PRSS12: variants seen among roughly 807,000 people sequenced by gnomAD.
The protein encoded by PRSS12 is serine protease 12.
In PRSS12, 85 loss-of-function variants were observed where a neutral mutation model predicts 104.4. The observed-to-expected ratio is 0.81, with a 90% CI of 0.68 to 0.98. The LOEUF is 0.98. Ranked by LOEUF, PRSS12 falls within the 50% of genes least tolerant of loss-of-function variation. PRSS12 has a pLI of 0.00. For synonymous variants in PRSS12, 454 were observed against 425.2 expected, an observed-to-expected ratio of 1.07 and a Z score of -0.83; for missense variants, 1,141 against 1,139.2, an observed-to-expected ratio of 1.00 and a Z score of -0.02.
At chr4:118,316,551 G>A (rs965500063) in intron 5 of PRSS12, among the ~76,000 whole-genome samples, 1 of 151,978 alleles carries the variant, frequency 6.6e-6, no homozygotes, top group Non-Finnish European at 1.5e-5. Context: ...GCTGGGTGTG[G>A]TGGCTCACTC....
chr4:118,293,309 C>G (rs1453067591), intron 11 of PRSS12, among the ~76,000 whole-genome samples: 1 of 151,842 alleles, frequency 6.6e-6, no homozygotes, highest in African/African-American at 2.4e-5. Flanking sequence ...AATTAAACTT[C>G]TAAATATTAA....
In PRSS12 at chr4:118,331,813, G is replaced by A. The variant is rs746877243; in HGVS notation, c.874C>T (p.Arg292Trp). The A allele has an allele frequency of 3.0e-5, 48 of 1,614,004 alleles. No individual in the cohort carries two copies. Among genetic ancestry groups the A allele is most frequent in the East Asian group, 1.3e-4 (6 of 44,896 alleles). Residue 292 changes from arginine to tryptophan, a missense_variant, in exon 4 of 13, where the codon CGG (arginine) becomes TGG (tryptophan). Transcript: ENST00000296498. The part of the protein sequence containing the change: ...LAGGSSVHEG[R>W]VELYHAGQWG... ...TGGCCAGCATGGTAGAGCTCCACCCGGCCTTCATGCACACTGCTGCCTCCA... is the reference window on the plus strand; with the variant it reads ...TGGCCAGCATGGTAGAGCTCCACCCAGCCTTCATGCACACTGCTGCCTCCA...
intron 1 of PRSS12, among the ~76,000 whole-genome samples, chr4:118,339,825 A>G (rs1724155438): frequency 6.6e-6 from 1 of 152,218 alleles, no homozygotes; most frequent in African/African-American, 2.4e-5. Flanking sequence ...TCCACGTAAT[A>G]TTATGCACAT....
intron 4 of PRSS12, among the ~76,000 whole-genome samples, chr4:118,327,534 CAAA>C (rs1258166566): frequency 2.0e-5 from 3 of 151,846 alleles, no homozygotes; most frequent in Non-Finnish European, 2.9e-5. Flanking sequence ...AATTTTAGAG[CAAA>C]AAAGTAAAAA....
At chr4:118,289,083 G>C (rs1008502508) in intron 11 of PRSS12, among the ~76,000 whole-genome samples, 3 of 152,136 alleles carry the variant, frequency 2.0e-5, no homozygotes, top group Non-Finnish European at 4.4e-5. Context: ...TGTAACTGAG[G>C]CTAGCGGCAT....
intron 1 of PRSS12, among the ~76,000 whole-genome samples, chr4:118,345,059 T>A (rs1346431983): frequency 1.3e-5 from 2 of 152,088 alleles, no homozygotes; most frequent in African/African-American, 2.4e-5. Context: ...ACCCAGAAAA[T>A]GGCTGTCCTC....
chr4:118,303,802 T>C lies in PRSS12; in HGVS notation c.1631+4634A>G, dbSNP rs1017124787. On this transcript the variant is annotated intron_variant, in intron 8 of 12. Coordinates refer to ENST00000296498, the MANE Select transcript of PRSS12 (RefSeq NM_003619.4). ...CAAACTTCTCTTTCAAAATTTCTCT[T>C]CTCTCACTTCACAAAAAGCATATCT... is the stretch of plus-strand genomic sequence containing the variant. 12 of 152,008 alleles carry C rather than the reference T, an allele frequency of 7.9e-5. 1 individual carries two copies. Among genetic ancestry groups the C allele is most frequent in the African/African-American group, 2.7e-4 (11 of 41,410 alleles). 9.4% of individuals were successfully genotyped at this position (152,008 alleles called of 1,614,324 possible).
Position 118,308,655 on chromosome 4 carries a change from C to T in PRSS12, c.1490-78G>A, listed in dbSNP as rs544685144. On this transcript the variant is annotated intron_variant, in intron 7 of 12. Transcript: ENST00000296498. Reference sequence around the variant, plus strand: ...AAAGCATGAGCGACTCTACAAAACACAATTGTTCTTTTTAATCAGCTATAA... The same window carrying T: ...AAAGCATGAGCGACTCTACAAAACATAATTGTTCTTTTTAATCAGCTATAA... The T allele has an allele frequency of 2.6e-5, 41 of 1,547,784 alleles. No homozygotes were observed. In the African/African-American group the frequency reaches 3.5e-4, roughly 13 times the overall value.
At chr4:118,310,405 C>T (rs1296106897) in intron 7 of PRSS12, among the ~76,000 whole-genome samples, 1 of 152,102 alleles carries the variant, frequency 6.6e-6, no homozygotes, top group Non-Finnish European at 1.5e-5. Flanking sequence ...AAAAATAATG[C>T]ATACAATATT....
chr4:118,312,359 TACACACACACACAC>T, intron 7 of PRSS12, among the ~76,000 whole-genome samples: 1 of 150,470 alleles, frequency 6.6e-6, no homozygotes, highest in East Asian at 1.9e-4. Context: ...TTCATACACA[TACACACACACACAC>T]ACGCACACAC....
At chr4:118,314,733 A>G (rs1743860440) in intron 6 of PRSS12, among the ~76,000 whole-genome samples, 1 of 152,120 alleles carries the variant, frequency 6.6e-6, no homozygotes, top group African/African-American at 2.4e-5. Context: ...GAACATTTTT[A>G]AAATAAATGT....
intron 3 of PRSS12, 77 bp downstream of exon 3, chr4:118,335,396 T>C: frequency 1.2e-5 from 18 of 1,530,862 alleles, no homozygotes; most frequent in Non-Finnish European, 1.6e-5. Context: ...TGATTATAAC[T>C]AAGACACTTT....
At chr4:118,295,169 G>C in intron 10 of PRSS12, 108 bp from the exon 11 acceptor site, 1 of 1,363,974 alleles carries the variant, frequency 7.3e-7, no homozygotes. Flanking sequence ...GCAGGTGGGG[G>C]AAAAGGAAAG....
chr4:118,293,828 A>G lies in PRSS12; in HGVS notation c.2039+1111T>C, dbSNP rs1040260973. Among the ~76,000 whole-genome samples, 67 of 152,232 alleles carry G rather than the reference A, an allele frequency of 4.4e-4. 1 individual carries two copies. Among genetic ancestry groups the G allele is most frequent in the African/African-American group, 1.6e-3 (67 of 41,474 alleles). ...CAAAGGATAAATTGGCAAGGCTTGA[A>G]AAATTGAAGGGAATCCATATTCCAG... is the stretch of plus-strand genomic sequence containing the variant. On this transcript the variant is annotated intron_variant, in intron 11 of 12. Coordinates refer to ENST00000296498, the MANE Select transcript of PRSS12 (RefSeq NM_003619.4).
At chr4:118,307,738 A>G (rs1459448797) in intron 8 of PRSS12, among the ~76,000 whole-genome samples, 5 of 152,094 alleles carry the variant, frequency 3.3e-5, no homozygotes. Flanking sequence ...CCATGTTCTT[A>G]TTGTAACTCA....
At chr4:118,287,513 C>T (rs1743041556) in intron 11 of PRSS12, among the ~76,000 whole-genome samples, 1 of 152,156 alleles carries the variant, frequency 6.6e-6, no homozygotes, top group Admixed American at 6.5e-5. Context: ...TGGAGTCTCA[C>T]ACTCCTTTAA....
Position 118,352,557 on chromosome 4 carries a change from C to T in PRSS12, c.164G>A (p.Arg55Lys), listed in dbSNP as rs13119545. 1.3e-6 allele frequency: 2 copies of T among 1,533,602 alleles called. No individual in the cohort carries two copies. Among genetic ancestry groups the T allele is most frequent in the Middle Eastern group, 1.7e-4 (1 of 5,832 alleles). The allele number at this position is 1,533,602 out of a possible 1,614,324, so 95.0% of individuals were successfully genotyped here. ...YYLPTQQRPPRTRPPPPLPRF... is the reference protein window; with the variant it reads ...YYLPTQQRPPKTRPPPPLPRF... ...CGGGAGAGGCGGCGGCGGACGCGTC[C>T]TCGGGGGCCGCTGCTGGGTGGGAAG... The change falls in exon 1 of 13, where the codon AGG becomes AAG. Residue 55 changes from arginine to lysine, a missense_variant. Arg to Lys is a conservative substitution (Grantham distance 26). Coordinates refer to ENST00000296498, the MANE Select transcript of PRSS12 (RefSeq NM_003619.4).
intron 4 of PRSS12, among the ~76,000 whole-genome samples, chr4:118,329,335 G>C (rs1723861502): frequency 6.6e-6 from 1 of 152,114 alleles, no homozygotes; most frequent in Non-Finnish European, 1.5e-5. Flanking sequence ...AATCAAAAAT[G>C]CCTTTTACCT....
Position 118,282,062 on chromosome 4 carries a change from G to C in PRSS12, c.2502C>G (p.Pro834=), listed in dbSNP as rs749129340. ...DSGGPLMCER[P]GESWVVYGVT... is the part of the protein sequence containing the mutation. ...CCCCATACACCACCCAGCTCTCTCCGGGCCGTTCACACATGAGTGGTCCTC... is the reference window on the plus strand; with the variant it reads ...CCCCATACACCACCCAGCTCTCTCCCGGCCGTTCACACATGAGTGGTCCTC... The change falls in exon 13 of 13, where the codon CCC becomes CCG. Residue 834 remains proline, a synonymous_variant. Transcript: ENST00000296498. The C allele has an allele frequency of 1.2e-6, 2 of 1,614,120 alleles. No homozygotes were observed. Among genetic ancestry groups the C allele is most frequent in the Non-Finnish European group, 8.5e-7 (1 of 1,180,016 alleles).
Sources: allele counts gnomAD v4.1 joint callset (sites outside exome capture counted in the v4.1 genomes callset), GRCh38; gene constraint gnomAD v4.1.1; transcripts MANE v1.5; gene names NCBI Gene and HGNC (gene_info 2026-07-23, HGNC 2026-07-21).